Variants in FHIT observed in about 807,000 individuals in gnomAD.
FHIT encodes bis(5'-adenosyl)-triphosphatase.
Under a neutral mutation model 17.9 loss-of-function variants are expected in FHIT, and 19 were observed. That is an observed-to-expected ratio of 1.06 (90% CI 0.74 to 1.56). The LOEUF is 1.56. FHIT is among the 40% of genes most tolerant of loss of function. FHIT has a pLI of 0.00. For synonymous variants in FHIT, 81 were observed against 69.7 expected (o/e 1.16, Z -0.81); for missense variants, 248 against 189.2 (o/e 1.31, Z -1.82).
At position 61,215,228 on chromosome 3, in the gene FHIT, T is replaced by C. The variant is rs563733998; in HGVS notation, c.-212-14563A>G. ...AGAGGAAGTGGACAAATTGTCCCTG[T>C]TTGCAGATGACATGATTGTATATCT... On this transcript the variant is annotated intron_variant, in intron 1 of 9. Transcript: ENST00000492590. 1.8e-4 allele frequency among the ~76,000 whole-genome samples: 28 copies of C among 152,112 alleles called. No individual in the cohort carries two copies. In the East Asian group the frequency reaches 5.4e-3, roughly 29 times the overall value.
intron 4 of FHIT, among the ~76,000 whole-genome samples, chr3:60,708,291 C>T (rs2041425015): frequency 6.6e-6 from 1 of 152,094 alleles, no homozygotes; most frequent in African/African-American, 2.4e-5. Flanking sequence ...CCAGAGGAAT[C>T]CAAACCAGAG....
chr3:60,785,934 C>CACACACACACAG (rs139392863), intron 4 of FHIT, among the ~76,000 whole-genome samples: 5,094 of 137,464 alleles, frequency 0.037, 123 homozygotes, highest in Admixed American at 0.08. Context: ...CACACACACA[C>CACACACACACAG]AGAGAGAGTA....
At chr3:59,896,718 T>C (rs542821485) in intron 8 of FHIT, among the ~76,000 whole-genome samples, 5 of 152,318 alleles carry the variant, frequency 3.3e-5, no homozygotes, top group East Asian at 1.9e-4. Flanking sequence ...TGGACCAGCA[T>C]GGCATGAAAA....
chr3:59,911,918 G>C (rs1372430062), intron 8 of FHIT, among the ~76,000 whole-genome samples: 1 of 152,144 alleles, frequency 6.6e-6, no homozygotes, highest in Admixed American at 6.5e-5. Context: ...GGTGCCGGGA[G>C]GCAGAGACGA....
intron 5 of FHIT, among the ~76,000 whole-genome samples, chr3:60,376,293 T>G (rs188226978): frequency 1.2e-3 from 188 of 152,332 alleles, no homozygotes; most frequent in Middle Eastern, 3.4e-3. Flanking sequence ...TAAATAAAGC[T>G]TTTAATTATC....
At chr3:60,537,529 A>G (rs980373690) in intron 4 of FHIT, 15 of 876,050 alleles carry the variant, frequency 1.7e-5, no homozygotes, top group South Asian at 1.6e-4. Flanking sequence ...AATAAAGGAG[A>G]AAAAAAACAT....
intron 5 of FHIT, among the ~76,000 whole-genome samples, chr3:60,282,799 A>C (rs1474495475): frequency 6.6e-6 from 1 of 152,154 alleles, no homozygotes; most frequent in Non-Finnish European, 1.5e-5. Context: ...TTTAAAAAGT[A>C]CATCTTAGAA....
chr3:60,544,892 C>T (rs187150057), intron 4 of FHIT, among the ~76,000 whole-genome samples: 211 of 152,264 alleles, frequency 1.4e-3, no homozygotes, highest in African/African-American at 4.8e-3. Context: ...CCACTGTGCT[C>T]AGCCAACTTA....
chr3:60,318,701 A>C (rs546615561), intron 5 of FHIT, among the ~76,000 whole-genome samples: 2 of 152,292 alleles, frequency 1.3e-5, no homozygotes, highest in South Asian at 4.2e-4. Context: ...CACCTTTTAA[A>C]AGTTTCTGAC....
chr3:59,846,246 T>A (rs771358405), intron 8 of FHIT, among the ~76,000 whole-genome samples: 1 of 152,114 alleles, frequency 6.6e-6, no homozygotes, highest in Non-Finnish European at 1.5e-5. Flanking sequence ...TCCTTTTCGA[T>A]TTTTTCTGTA....
At chr3:60,603,836 T>C (rs1478940184) in intron 4 of FHIT, among the ~76,000 whole-genome samples, 7 of 152,162 alleles carry the variant, frequency 4.6e-5, no homozygotes, top group African/African-American at 1.7e-4. Context: ...TTTTTGTAAA[T>C]AGATCTCTGG....
At chr3:60,331,394 T>C (rs529147977) in intron 5 of FHIT, among the ~76,000 whole-genome samples, 2 of 152,304 alleles carry the variant, frequency 1.3e-5, no homozygotes, top group South Asian at 4.1e-4. Context: ...CATATCTCTT[T>C]CCCATCAGAC....
At chr3:60,540,427 T>C (rs2036148458) in intron 4 of FHIT, among the ~76,000 whole-genome samples, 1 of 152,178 alleles carries the variant, frequency 6.6e-6, no homozygotes, top group East Asian at 1.9e-4. Context: ...TTGCAACTGG[T>C]GTCTGAAAGT....
At chr3:60,774,644 T>A (rs544944876) in intron 4 of FHIT, among the ~76,000 whole-genome samples, 1 of 152,170 alleles carries the variant, frequency 6.6e-6, no homozygotes, top group African/African-American at 2.4e-5. Flanking sequence ...TGAACAACAA[T>A]AACTAATAAT....
At chr3:60,872,513 G>A (rs1553755243) in intron 3 of FHIT, among the ~76,000 whole-genome samples, 1 of 151,944 alleles carries the variant, frequency 6.6e-6, no homozygotes, top group African/African-American at 2.4e-5. Flanking sequence ...AAATTCTCAA[G>A]GAGCAAAAAT....
chr3:59,844,818 T>C (rs1470870381), intron 8 of FHIT, among the ~76,000 whole-genome samples: 2 of 152,198 alleles, frequency 1.3e-5, no homozygotes, highest in Non-Finnish European at 2.9e-5. Context: ...GCTGGCTTCA[T>C]AGAATGAGGA....
At chr3:60,814,135 T>A (rs1329422022) in intron 4 of FHIT, among the ~76,000 whole-genome samples, 2 of 152,196 alleles carry the variant, frequency 1.3e-5, no homozygotes, top group African/African-American at 4.8e-5. Context: ...GAAAGTAGCT[T>A]GCATTCATAA....
chr3:60,346,445 G>A (rs1452399522), intron 5 of FHIT, among the ~76,000 whole-genome samples: 1 of 152,210 alleles, frequency 6.6e-6, no homozygotes. Flanking sequence ...TATGTGCACT[G>A]AGGGAAGTGG....
At chr3:60,716,725 T>C (rs2041692866) in intron 4 of FHIT, among the ~76,000 whole-genome samples, 1 of 152,254 alleles carries the variant, frequency 6.6e-6, no homozygotes, top group Non-Finnish European at 1.5e-5. Flanking sequence ...TTATGTACTG[T>C]ATGTAATTGT....
Sources: allele counts gnomAD v4.1 joint callset (sites outside exome capture counted in the v4.1 genomes callset), GRCh38; gene constraint gnomAD v4.1.1; transcripts MANE v1.5; gene names NCBI Gene and HGNC (gene_info 2026-07-23, HGNC 2026-07-21).